Variants in AADACL4 observed in about 807,000 individuals in gnomAD.
The protein encoded by AADACL4 is arylacetamide deacetylase-like 4.
Under a neutral mutation model 14.1 loss-of-function variants are expected in AADACL4, and 9 were observed. That is an observed-to-expected ratio of 0.64 (90% CI 0.39 to 1.12). The LOEUF (loss-of-function observed/expected upper bound fraction) is 1.12, where lower values mean the gene tolerates loss of function less well. Ranked by LOEUF, AADACL4 falls within the 50% of genes most tolerant of loss-of-function variation. AADACL4 has a pLI of 0.01. For synonymous variants in AADACL4, 188 were observed against 201.6 expected, an observed-to-expected ratio of 0.93 and a Z score of 0.57; for missense variants, 531 against 516.1, an observed-to-expected ratio of 1.03 and a Z score of -0.28.
intron 2 of AADACL4, among the ~76,000 whole-genome samples, chr1:12,659,662 G>A (rs545004143): frequency 5.8e-4 from 89 of 152,268 alleles, no homozygotes; most frequent in African/African-American, 2.0e-3. Flanking sequence ...TATATTTTAA[G>A]GACAGGATCT....
Position 12,644,469 on chromosome 1 carries a change from T to G in AADACL4, c.-78T>G, listed in dbSNP as rs1570422777. On this transcript the variant is annotated 5_prime_UTR_variant, in exon 1 of 4. Coordinates refer to ENST00000376221, the MANE Select transcript of AADACL4 (RefSeq NM_001013630.2). ...AGAGTGAGGTGGAGGAGGCGGAGGG[T>G]GTAACCCAGCCAGGTCCTCTTCACA... 1 of 1,527,582 alleles carries G rather than the reference T, an allele frequency of 6.5e-7. No individual in the cohort carries two copies. Among genetic ancestry groups the G allele is most frequent in the Non-Finnish European group, 8.9e-7 (1 of 1,124,752 alleles). 94.6% of individuals were successfully genotyped at this position (1,527,582 alleles called of 1,614,324 possible).
At chr1:12,660,155 C>T (rs1647215263) in intron 2 of AADACL4, among the ~76,000 whole-genome samples, 1 of 152,114 alleles carries the variant, frequency 6.6e-6, no homozygotes, top group African/African-American at 2.4e-5. Context: ...GCTATATTGC[C>T]TAGCCTGGTC....
At chr1:12,645,621 C>G (rs981980362) in intron 1 of AADACL4, among the ~76,000 whole-genome samples, 2 of 152,130 alleles carry the variant, frequency 1.3e-5, no homozygotes, top group South Asian at 4.2e-4. Flanking sequence ...TGGCTCAGTG[C>G]AGCCTCAACC....
chr1:12,655,355 C>A (rs1647175030), intron 2 of AADACL4, among the ~76,000 whole-genome samples: 1 of 152,078 alleles, frequency 6.6e-6, no homozygotes, highest in African/African-American at 2.4e-5. Flanking sequence ...TGAGGCTCCT[C>A]AGTTGTGATG....
intron 1 of AADACL4, among the ~76,000 whole-genome samples, chr1:12,647,727 C>T (rs1247013633): frequency 6.6e-6 from 1 of 151,420 alleles, no homozygotes; most frequent in Non-Finnish European, 1.5e-5. Flanking sequence ...ACAATCATGG[C>T]TTACTGCAGC....
At chr1:12,665,608 C>T (rs1647305007) in intron 3 of AADACL4, among the ~76,000 whole-genome samples, 2 of 152,224 alleles carry the variant, frequency 1.3e-5, no homozygotes, top group Non-Finnish European at 2.9e-5. Flanking sequence ...CCTTTCTCTA[C>T]AGACAAACAG....
At chr1:12,664,590 C>T (rs1172413249) in intron 3 of AADACL4, among the ~76,000 whole-genome samples, 2 of 152,134 alleles carry the variant, frequency 1.3e-5, no homozygotes, top group African/African-American at 4.8e-5. Context: ...TGGTCTTGAA[C>T]TCCTGAGGTT....
At chr1:12,665,928 C>G (rs538680920) in intron 3 of AADACL4, 33 bp from the exon 4 acceptor site, 2 of 1,568,716 alleles carry the variant, frequency 1.3e-6, no homozygotes, top group Admixed American at 1.8e-5. Context: ...ACTGTCCACA[C>G]TGGTGTAGTG....
intron 3 of AADACL4, among the ~76,000 whole-genome samples, chr1:12,664,770 C>G (rs1236042406): frequency 6.6e-6 from 1 of 152,186 alleles, no homozygotes; most frequent in East Asian, 1.9e-4. Flanking sequence ...ATCAGTTAAG[C>G]CAAACTGTTT....
At position 12,666,766 on chromosome 1, in the gene AADACL4, G is replaced by A. The variant is rs974109630; in HGVS notation, c.*31G>A. 5 of 1,561,208 alleles carry A rather than the reference G, an allele frequency of 3.2e-6. No homozygotes were observed. In the African/African-American group the frequency reaches 4.1e-5, roughly 13 times the overall value. Reference sequence around the variant, plus strand: ...ACCCTGGGGCCCCGAGGAGGAAGGGGCAAGTATGGACTCTACCAGAAACCG... The same window carrying A: ...ACCCTGGGGCCCCGAGGAGGAAGGGACAAGTATGGACTCTACCAGAAACCG... On this transcript the variant is annotated 3_prime_UTR_variant, in exon 4 of 4. Coordinates refer to ENST00000376221, the MANE Select transcript of AADACL4 (RefSeq NM_001013630.2).
At position 12,646,622 on chromosome 1, in the gene AADACL4, G is replaced by A. The variant is rs369995644; in HGVS notation, c.168+1908G>A. ...GGGTTAGAGCCCCAGGATTTAAAAC[G>A]AGGGCCTAAGATGTTCAGGTGGCCC... is the stretch of plus-strand genomic sequence containing the variant. On this transcript the variant is annotated intron_variant, in intron 1 of 3. Coordinates refer to ENST00000376221, the MANE Select transcript of AADACL4 (RefSeq NM_001013630.2). 3.4e-4 allele frequency among the ~76,000 whole-genome samples: 52 copies of A among 152,338 alleles called. 1 individual carries two copies. The East Asian group carries it at 5.4e-3, about 16-fold the overall frequency.
chr1:12,655,707 C>T (rs1647176296), intron 2 of AADACL4, among the ~76,000 whole-genome samples: 1 of 152,052 alleles, frequency 6.6e-6, no homozygotes, highest in South Asian at 2.1e-4. Context: ...GCACTTCATC[C>T]CATTGTTTGC....
chr1:12,658,125 TTC>T (rs1647195871), intron 2 of AADACL4, among the ~76,000 whole-genome samples: 1 of 132,780 alleles, frequency 7.5e-6, no homozygotes, highest in African/African-American at 3.6e-5. Context: ...CCTTCCTTCC[TTC>T]CTTCCTTCCT....
intron 2 of AADACL4, among the ~76,000 whole-genome samples, chr1:12,656,209 C>T (rs1647178292): frequency 6.6e-6 from 1 of 152,162 alleles, no homozygotes; most frequent in Admixed American, 6.5e-5. Flanking sequence ...ATGGACTGGT[C>T]CTGGCATTTT....
At position 12,644,551 on chromosome 1, in the gene AADACL4, C is replaced by G. The variant is rs1457888141; in HGVS notation, c.5C>G (p.Ala2Gly). Residue 2 changes from alanine (A) to glycine (G), a missense_variant, in exon 1 of 4, where the codon GCT becomes GGT. By Grantham distance (60) the Ala-to-Gly change is moderately conservative. Transcript: ENST00000376221. M[A>G]VPWLVLLLAL... ...GCTCCTCAAGGCCCCAGGAACATGG[C>G]TGTCCCCTGGCTAGTGCTACTCTTG... 6.2e-7 allele frequency: 1 copy of G among 1,613,680 alleles called. No individual in the cohort carries two copies. Among genetic ancestry groups the G allele is most frequent in the South Asian group, 1.1e-5 (1 of 91,036 alleles).
intron 2 of AADACL4, among the ~76,000 whole-genome samples, chr1:12,658,155 T>TCTTCCTTC (rs1647197463): frequency 2.2e-5 from 3 of 134,738 alleles, no homozygotes; most frequent in African/African-American, 1.1e-4. Flanking sequence ...TTTCTTTCTT[T>TCTTCCTTC]CTTTCTTTCT....
intron 3 of AADACL4, among the ~76,000 whole-genome samples, chr1:12,662,957 G>A (rs1448703308): frequency 6.6e-6 from 1 of 152,176 alleles, no homozygotes; most frequent in African/African-American, 2.4e-5. Flanking sequence ...ATAAGCACCT[G>A]CATTAATACC....
chr1:12,658,104 T>TTCCTTCCTTCCTTCCTTCCTTCCTTCC (rs1647195059), intron 2 of AADACL4, among the ~76,000 whole-genome samples: 1 of 90,380 alleles, frequency 1.1e-5, no homozygotes, highest in African/African-American at 5.6e-5. Context: ...TCTTTCTCTC[T>TTCCTTCCTTCCTTCCTTCCTTCCTTCC]TTCTTTCCTT....
Position 12,666,725 on chromosome 1 carries a change from A to G in AADACL4, c.1214A>G (p.Lys405Arg). 3 of 1,606,844 alleles carry G rather than the reference A, an allele frequency of 1.9e-6. No homozygotes were observed. The highest frequency in any genetic ancestry group is 2.5e-6 in the Non-Finnish European group (3 of 1,178,358). The change falls in exon 4 of 4, where the codon AAG (lysine) becomes AGG (arginine). Residue 405 changes from lysine to arginine, a missense_variant. Physicochemically the swap from Lys to Arg is conservative, Grantham distance 26. Coordinates refer to ENST00000376221, the MANE Select transcript of AADACL4 (RefSeq NM_001013630.2). ...KIVNAVVSYI[K>R]GI ...GTGAATGCTGTAGTCAGTTATATAA[A>G]GGGCATATGATAGTAACCCTGGGGC...
Sources: allele counts gnomAD v4.1 joint callset (sites outside exome capture counted in the v4.1 genomes callset), GRCh38; gene constraint gnomAD v4.1.1; transcripts MANE v1.5; gene names NCBI Gene and HGNC (gene_info 2026-07-23, HGNC 2026-07-21).